FOXP2: variants seen among roughly 807,000 people sequenced by gnomAD.
FOXP2 encodes the protein forkhead box P2, also known as forkhead box protein P2.
In FOXP2, 12 loss-of-function variants were observed where a neutral mutation model predicts 115.8. The ratio of observed to expected loss-of-function variants is 0.10; its 90% CI spans 0.07 to 0.17. FOXP2 has a LOEUF of 0.17. FOXP2 is among the 10% of genes least tolerant of loss of function. FOXP2 has a pLI of 1.00. For missense variants in FOXP2, 629 were observed against 843.5 expected (o/e 0.75, Z 3.15); for synonymous variants, 328 against 297.7 (o/e 1.10, Z -1.05).
At chr7:114,643,673 T>C (rs1444800642) in intron 7 of FOXP2, among the ~76,000 whole-genome samples, 1 of 152,212 alleles carries the variant, frequency 6.6e-6, no homozygotes, top group Non-Finnish European at 1.5e-5. Flanking sequence ...CATCTTGCTC[T>C]CTAATCAAGT....
intron 1 of FOXP2, among the ~76,000 whole-genome samples, chr7:114,169,475 A>G (rs1793078442): frequency 6.6e-6 from 1 of 152,126 alleles, no homozygotes; most frequent in South Asian, 2.1e-4. Context: ...AATTTCTTCC[A>G]TTTGGAATGG....
chr7:114,200,795 C>T (rs1180090129), intron 1 of FOXP2, among the ~76,000 whole-genome samples: 11 of 152,158 alleles, frequency 7.2e-5, no homozygotes, highest in African/African-American at 2.2e-4. Flanking sequence ...GCTACTATTA[C>T]GACGTCTATC....
chr7:114,159,862 T>G (rs1052073821), upstream of FOXP2, among the ~76,000 whole-genome samples: 18 of 152,230 alleles, frequency 1.2e-4, no homozygotes, highest in East Asian at 3.3e-3. Context: ...AGCATGAAGA[T>G]CCAAAGATAC....
chr7:114,404,649 C>T (rs1792990034), intron 2 of FOXP2, among the ~76,000 whole-genome samples: 1 of 152,012 alleles, frequency 6.6e-6, no homozygotes, highest in South Asian at 2.1e-4. Context: ...AATAGGTAAA[C>T]TACTGTGAAG....
chr7:114,597,922 A>G (rs1000072947), intron 3 of FOXP2, among the ~76,000 whole-genome samples: 13 of 152,184 alleles, frequency 8.5e-5, no homozygotes, highest in Admixed American at 7.2e-4. Context: ...CAATATGGAC[A>G]GTGAAAGTTT....
rs1808743667 is a variant in FOXP2, at chr7:114,692,880, T to C, written c.*2954T>C. The C allele has an allele frequency of 6.6e-6, 3 of 454,190 alleles. No individual in the cohort carries two copies. Among genetic ancestry groups the C allele is most frequent in the Non-Finnish European group, 1.3e-5 (3 of 226,648 alleles). The allele number at this position is 454,190 out of a possible 1,614,324, so 28.1% of individuals were successfully genotyped here. A position where few individuals can be genotyped will look rare whatever the true frequency, so the allele number is the denominator to read the frequency against. On this transcript the variant is annotated 3_prime_UTR_variant, in exon 17 of 17. Coordinates refer to ENST00000350908, the MANE Select transcript of FOXP2 (RefSeq NM_014491.4). Reference sequence around the variant, plus strand: ...TGATACTTTTCATTACTGTGTACTATGTTCATACTTTGAATTCTCTGACGT... The same window carrying C: ...TGATACTTTTCATTACTGTGTACTACGTTCATACTTTGAATTCTCTGACGT...
chr7:114,566,398 A>T (rs1453333697), intron 3 of FOXP2, among the ~76,000 whole-genome samples: 1 of 151,958 alleles, frequency 6.6e-6, no homozygotes, highest in African/African-American at 2.4e-5. Flanking sequence ...TGGATTCCTC[A>T]TGAATGTCTT....
chr7:114,471,337 C>T (rs1347170161), intron 2 of FOXP2, among the ~76,000 whole-genome samples: 1 of 152,114 alleles, frequency 6.6e-6, no homozygotes, highest in East Asian at 1.9e-4. Context: ...TTTCTCCAAT[C>T]AGTCCCAATT....
intron 3 of FOXP2, among the ~76,000 whole-genome samples, chr7:114,537,086 C>G (rs1450247804): frequency 6.6e-6 from 1 of 151,426 alleles, no homozygotes; most frequent in African/African-American, 2.4e-5. Flanking sequence ...CTATTTGCCA[C>G]TTATGTTTTT....
chr7:114,167,672 C>T (rs1793018233), intron 1 of FOXP2, among the ~76,000 whole-genome samples: 1 of 152,044 alleles, frequency 6.6e-6, no homozygotes, highest in African/African-American at 2.4e-5. Flanking sequence ...CATGGTGGCT[C>T]AGGCCTGTAA....
chr7:114,658,657 G>A (rs544263118), intron 11 of FOXP2, among the ~76,000 whole-genome samples: 33 of 152,214 alleles, frequency 2.2e-4, no homozygotes, highest in Non-Finnish European at 4.6e-4. Flanking sequence ...ACAGTTCGAG[G>A]TTTACATGAA....
rs1405761389 is a variant in FOXP2, at chr7:114,693,239, G to A, written c.*3313G>A. ...TAGATAACTCAGATATGGAGAAAAT[G>A]TCATCAGCATTCTGTGTCTACAGCT... On this transcript the variant is annotated 3_prime_UTR_variant, in exon 17 of 17. Coordinates refer to ENST00000350908, the MANE Select transcript of FOXP2 (RefSeq NM_014491.4). The A allele has an allele frequency of 2.2e-6, 1 of 449,518 alleles. No individual in the cohort carries two copies. The highest frequency in any genetic ancestry group is 2.4e-5 in the Admixed American group (1 of 42,206). 27.8% of individuals were successfully genotyped at this position (449,518 alleles called of 1,614,324 possible).
At chr7:114,287,657 TAAG>T (rs1796499429) in intron 1 of FOXP2, among the ~76,000 whole-genome samples, 1 of 152,120 alleles carries the variant, frequency 6.6e-6, no homozygotes, top group South Asian at 2.1e-4. Context: ...TGTTTTCAGT[TAAG>T]AAATTGGAGA....
At chr7:114,480,946 G>C (rs1394476520) in intron 2 of FOXP2, among the ~76,000 whole-genome samples, 1 of 150,984 alleles carries the variant, frequency 6.6e-6, no homozygotes, top group African/African-American at 2.4e-5. Flanking sequence ...CAGTATTCTC[G>C]AGCTCTGGAT....
At chr7:114,608,486 A>G (rs1236527249) in intron 3 of FOXP2, among the ~76,000 whole-genome samples, 4 of 152,242 alleles carry the variant, frequency 2.6e-5, no homozygotes, top group Non-Finnish European at 5.9e-5. Flanking sequence ...GTCTTGTATA[A>G]TAAAAAGTGA....
chr7:114,519,013 A>G (rs1798483184), intron 2 of FOXP2, among the ~76,000 whole-genome samples: 1 of 152,130 alleles, frequency 6.6e-6, no homozygotes, highest in Non-Finnish European at 1.5e-5. Context: ...TATCTAACTC[A>G]TCTTCACAGC....
chr7:114,653,598 A>G (rs2129338508), intron 9 of FOXP2: 1 of 366,202 alleles, frequency 2.7e-6, no homozygotes, highest in South Asian at 2.2e-5. Context: ...CAGTGTCCAC[A>G]GGACTTTAAA....
intron 2 of FOXP2, among the ~76,000 whole-genome samples, chr7:114,476,010 A>G (rs1201381423): frequency 6.6e-6 from 1 of 151,818 alleles, no homozygotes; most frequent in African/African-American, 2.4e-5. Context: ...ATCTATATCT[A>G]TATCAATTCA....
At chr7:114,466,980 C>T (rs1795827185) in intron 2 of FOXP2, among the ~76,000 whole-genome samples, 1 of 152,184 alleles carries the variant, frequency 6.6e-6, no homozygotes, top group Middle Eastern at 3.2e-3. Flanking sequence ...ATGTTCAAAG[C>T]ATAGAAAGTC....
Sources: gnomAD v4.1 joint callset for allele counts (sites outside exome capture counted in the v4.1 genomes callset) on GRCh38, gnomAD v4.1.1 for gene constraint, MANE v1.5 for transcripts, NCBI Gene and HGNC (gene_info 2026-07-23, HGNC 2026-07-21) for gene names.